ITGA1: variants seen among roughly 807,000 people sequenced by gnomAD.
ITGA1 encodes integrin subunit alpha 1.
ITGA1 carries 85 observed loss-of-function variants against 145.9 expected under a neutral mutation model. The ratio of observed to expected loss-of-function variants is 0.58; its 90% CI spans 0.49 to 0.70. The LOEUF (loss-of-function observed/expected upper bound fraction) is 0.70, where lower values mean the gene tolerates loss of function less well. Ranked by LOEUF, ITGA1 falls within the 30% of genes least tolerant of loss-of-function variation. ITGA1 has a pLI of 0.00. For missense variants in ITGA1, 1,351 were observed against 1,418.7 expected, an observed-to-expected ratio of 0.95 and a Z score of 0.77; for synonymous variants, 520 against 495.3, an observed-to-expected ratio of 1.05 and a Z score of -0.66.
chr5:52,919,297 G>A (rs1750697436), intron 16 of ITGA1, among the ~76,000 whole-genome samples: 1 of 152,028 alleles, frequency 6.6e-6, no homozygotes, highest in Non-Finnish European at 1.5e-5. Context: ...CCCCCTCTTG[G>A]GAAAGACTGA....
intron 9 of ITGA1, among the ~76,000 whole-genome samples, chr5:52,894,199 T>G (rs1750192684): frequency 2.0e-5 from 3 of 152,154 alleles, no homozygotes; most frequent in East Asian, 1.9e-4. Context: ...TTTGGGTTTT[T>G]TTTGTTTGTT....
intron 11 of ITGA1, among the ~76,000 whole-genome samples, chr5:52,898,729 A>G (rs997012350): frequency 6.6e-6 from 1 of 152,156 alleles, no homozygotes; most frequent in Non-Finnish European, 1.5e-5. Context: ...TAGAAAAGGA[A>G]ACCTCGACTT....
At chr5:52,844,334 C>T (rs1353007337) in intron 1 of ITGA1, among the ~76,000 whole-genome samples, 1 of 152,322 alleles carries the variant, frequency 6.6e-6, no homozygotes, top group Non-Finnish European at 1.5e-5. Context: ...GAAAAGTCTT[C>T]TCCCCAAATT....
intron 20 of ITGA1, among the ~76,000 whole-genome samples, chr5:52,928,376 A>T (rs557494730): frequency 1.0e-3 from 159 of 152,324 alleles, no homozygotes; most frequent in African/African-American, 3.7e-3. Flanking sequence ...GAACTTAATC[A>T]GAAATTCTCC....
chr5:52,870,794 T>C (rs890966838), intron 6 of ITGA1, among the ~76,000 whole-genome samples: 6 of 152,318 alleles, frequency 3.9e-5, no homozygotes, highest in African/African-American at 1.4e-4. Flanking sequence ...TGGCTGCCTC[T>C]GCAGAGAATG....
chr5:52,846,875 A>G (rs1004594779), intron 1 of ITGA1, among the ~76,000 whole-genome samples: 1 of 151,700 alleles, frequency 6.6e-6, no homozygotes, highest in Non-Finnish European at 1.5e-5. Flanking sequence ...GAAAATTTCT[A>G]TCTCCATAAA....
chr5:52,847,545 T>TTTGTTTGC (rs1286911029), intron 1 of ITGA1, among the ~76,000 whole-genome samples: 3 of 80,550 alleles, frequency 3.7e-5, no homozygotes, highest in African/African-American at 1.7e-4. Context: ...TGGAAATAAT[T>TTTGTTTGC]TTGTTTGTTT....
Position 52,864,832 on chromosome 5 carries a change from A to C in ITGA1, c.365A>C (p.Asn122Thr). 1 of 1,610,528 alleles carries C rather than the reference A, an allele frequency of 6.2e-7. No individual in the cohort carries two copies. The highest frequency in any genetic ancestry group is 1.3e-5 in the African/African-American group (1 of 74,938). ...ACATTTGGATCAACTTTAGTCACCA[A>C]CCCAAATGGAGGATTTCTGGTAAGA... ...NMTFGSTLVT[N>T]PNGGFLACGP... Residue 122 changes from asparagine to threonine, a missense_variant, in exon 4 of 29, where the codon AAC (asparagine) becomes ACC (threonine). By Grantham distance (65) the Asn-to-Thr change is moderately conservative (BLOSUM62 0). Coordinates refer to ENST00000282588, the MANE Select transcript of ITGA1 (RefSeq NM_181501.2).
intron 6 of ITGA1, among the ~76,000 whole-genome samples, chr5:52,867,842 G>T (rs1749712310): frequency 1.3e-5 from 2 of 151,908 alleles, no homozygotes; most frequent in Non-Finnish European, 2.9e-5. Flanking sequence ...AGCCCAGTTT[G>T]CTGTTGTTTT....
chr5:52,859,174 G>A (rs1374117243), intron 2 of ITGA1, among the ~76,000 whole-genome samples: 4 of 152,156 alleles, frequency 2.6e-5, no homozygotes, highest in Non-Finnish European at 5.9e-5. Flanking sequence ...TTAAATTAGG[G>A]CACAGATTTT....
intron 22 of ITGA1, 147 bp downstream of exon 22, chr5:52,932,283 G>C (rs1750903864): frequency 1.7e-6 from 1 of 582,828 alleles, no homozygotes; most frequent in Non-Finnish European, 3.0e-6. Flanking sequence ...TACCAAATCA[G>C]AAACTCGGAG....
At chr5:52,867,737 T>C (rs777238802) in intron 6 of ITGA1, among the ~76,000 whole-genome samples, 4 of 152,008 alleles carry the variant, frequency 2.6e-5, no homozygotes, top group Non-Finnish European at 4.4e-5. Context: ...GCCCCCAACC[T>C]CAATTTATGA....
In ITGA1 at chr5:52,862,319, G is replaced by A. The variant is rs141347452; in HGVS notation, c.295+760G>A. Among the ~76,000 whole-genome samples the A allele has an allele frequency of 3.8e-3, 581 of 151,878 alleles. 6 individuals are homozygous for A. Among genetic ancestry groups the A allele is most frequent in the African/African-American group, 0.012 (486 of 41,402 alleles). ...TCAGAATGGTCGAGCGGTCTAAGGC[G>A]CTGAGTTCAAGAAGTAATCTATAAT... is the stretch of plus-strand genomic sequence containing the variant. On this transcript the variant is annotated intron_variant, in intron 3 of 28. Transcript: ENST00000282588.
At chr5:52,944,885 A>G in intron 26 of ITGA1, 58 bp from the exon 27 acceptor site, 1 of 1,167,020 alleles carries the variant, frequency 8.6e-7, no homozygotes, top group East Asian at 2.4e-5. Flanking sequence ...CTCAAACATG[A>G]CTAGCTCTCA....
chr5:52,789,849 C>T (rs1016383721), intron 1 of ITGA1, among the ~76,000 whole-genome samples: 3 of 152,090 alleles, frequency 2.0e-5, no homozygotes, highest in African/African-American at 4.8e-5. Context: ...ATGAGGTTTG[C>T]GTATCCTCTA....
At position 52,854,271 on chromosome 5, in the gene ITGA1, AG is replaced by A. The variant is rs548522842; in HGVS notation, c.182+4787del. Among the ~76,000 whole-genome samples the A allele has an allele frequency of 6.0e-4, 91 of 152,312 alleles. 1 individual carries two copies. The highest frequency in any genetic ancestry group is 6.8e-3 in the Middle Eastern group (2 of 294). On this transcript the variant is annotated intron_variant, in intron 2 of 28. Transcript: ENST00000282588. Reference sequence around the variant, plus strand: ...ATAAGTCTGTGTTGTAAAAGAAAAAAGAATCCCTGCTAATGTAGAGCTATTC... The same window carrying A: ...ATAAGTCTGTGTTGTAAAAGAAAAAAAATCCCTGCTAATGTAGAGCTATTC...
At chr5:52,879,606 G>C (rs1349089276) in intron 6 of ITGA1, among the ~76,000 whole-genome samples, 1 of 152,126 alleles carries the variant, frequency 6.6e-6, no homozygotes, top group Non-Finnish European at 1.5e-5. Flanking sequence ...TAATAAAAAT[G>C]TTCCTCACAT....
rs1579739233 is a variant in ITGA1 at position 52,952,422 on chromosome 5, A to C, written c.3511A>C (p.Arg1171=). 1.4e-6 allele frequency: 2 copies of C among 1,430,828 alleles called. No homozygotes were observed. Among genetic ancestry groups the C allele is most frequent in the Non-Finnish European group, 1.9e-6 (2 of 1,048,370 alleles). 88.6% of individuals were successfully genotyped at this position (1,430,828 alleles called of 1,614,324 possible). The change falls in exon 29 of 29, where the codon AGA becomes CGA. Residue 1171 remains arginine, a synonymous_variant. Coordinates refer to ENST00000282588, the MANE Select transcript of ITGA1 (RefSeq NM_181501.2). ...LALWKIGFFK[R]PLKKKMEK ...TTCTCAACAGATTGGATTCTTCAAA[A>C]GACCACTGAAAAAGAAAATGGAGAA...
intron 2 of ITGA1, among the ~76,000 whole-genome samples, chr5:52,860,765 T>C (rs1561229593): frequency 6.6e-6 from 1 of 152,208 alleles, no homozygotes; most frequent in Non-Finnish European, 1.5e-5. Context: ...CATGGGAGAC[T>C]TAAATGACTT....
Sources: allele counts gnomAD v4.1 joint callset (sites outside exome capture counted in the v4.1 genomes callset), GRCh38; gene constraint gnomAD v4.1.1; transcripts MANE v1.5; gene names NCBI Gene and HGNC (gene_info 2026-07-23, HGNC 2026-07-21).